SYNPO2: variants seen among roughly 807,000 people sequenced by gnomAD.
SYNPO2 encodes synaptopodin-2.
SYNPO2 carries 56 observed loss-of-function variants against 85.0 expected under a neutral mutation model. The observed-to-expected ratio is 0.66, with a 90% confidence interval of 0.53 to 0.82. The LOEUF is 0.82. Among genes scored for constraint, SYNPO2 ranks in the 40% least tolerant of loss-of-function variants. The pLI is 0.00. For synonymous variants in SYNPO2, 602 were observed against 591.1 expected, an observed-to-expected ratio of 1.02 and a Z score of -0.27; for missense variants, 1,575 against 1,534.2, an observed-to-expected ratio of 1.03 and a Z score of -0.44.
chr4:118,980,618 G>GA lies in SYNPO2; in HGVS notation c.106-42803dup, dbSNP rs200163495. On this transcript the variant is annotated intron_variant, in intron 1 of 4. Transcript: ENST00000307142. ...ACATATATGATTTCACTTACAATTT[G>GA]AAAAAAAAAGAACTTGATTAATAAG... Among the ~76,000 whole-genome samples, 23 of 149,896 alleles carry GA rather than the reference G, an allele frequency of 1.5e-4. No homozygotes were observed. In the East Asian group the frequency reaches 3.1e-3, roughly 20 times the overall value.
intron 1 of SYNPO2, among the ~76,000 whole-genome samples, chr4:118,892,407 TATTTTCAAGAG>T (rs1371579337): frequency 6.6e-6 from 1 of 152,208 alleles, no homozygotes; most frequent in Non-Finnish European, 1.5e-5. Context: ...CTGCAAAGTA[TATTTTCAAGAG>T]ATTATAAACA....
At chr4:119,023,243 T>C (rs1031885931) in intron 1 of SYNPO2, among the ~76,000 whole-genome samples, 187 bp from the exon 2 acceptor site, 2 of 152,330 alleles carry the variant, frequency 1.3e-5, no homozygotes, top group East Asian at 3.9e-4. Context: ...TTATGGTACA[T>C]GATAAAGTGT....
intron 1 of SYNPO2, among the ~76,000 whole-genome samples, chr4:118,898,734 G>A (rs981619586): frequency 6.6e-6 from 1 of 152,174 alleles, no homozygotes; most frequent in Non-Finnish European, 1.5e-5. Flanking sequence ...TTCACAGGCC[G>A]ACGGCCCCGC....
chr4:119,026,129 C>G (rs1578654778), intron 2 of SYNPO2, among the ~76,000 whole-genome samples: 2 of 152,162 alleles, frequency 1.3e-5, no homozygotes, highest in East Asian at 3.8e-4. Flanking sequence ...TAAAAAACAG[C>G]TTCTATTTCA....
At chr4:119,047,264 T>C (rs1485811894) in intron 4 of SYNPO2, among the ~76,000 whole-genome samples, 1 of 152,216 alleles carries the variant, frequency 6.6e-6, no homozygotes, top group Non-Finnish European at 1.5e-5. Flanking sequence ...TTCACCATGT[T>C]GGCCAGGCTG....
rs532548142 is a variant in SYNPO2, at chr4:119,040,999, G to A, written c.3252+8972G>A. ...GAACAGAGCAAACTCCCAGCTCAGG[G>A]CAAGTGATGAAAAACAATTCTAAGA... On this transcript the variant is annotated intron_variant, in intron 4 of 4. Coordinates refer to ENST00000307142, the MANE Select transcript of SYNPO2 (RefSeq NM_133477.3). 7.2e-5 allele frequency among the ~76,000 whole-genome samples: 11 copies of A among 152,292 alleles called. No individual in the cohort carries two copies. In the East Asian group the frequency reaches 1.5e-3, roughly 21 times the overall value.
rs547225059 is a variant in SYNPO2, at chr4:118,976,433, A to G, written c.106-46997A>G. Among the ~76,000 whole-genome samples, 69 of 152,336 alleles carry G rather than the reference A, an allele frequency of 4.5e-4. No individual in the cohort carries two copies. In the East Asian group the frequency reaches 5.8e-3, roughly 13 times the overall value. ...AGTAGCAAGATTTATTGCAAAGTGC[A>G]AAAGAACAAAGCTTCCACACTGTGG... On this transcript the variant is annotated intron_variant, in intron 1 of 4. Transcript: ENST00000307142.
Position 118,850,946 on chromosome 4 carries a change from A to T in SYNPO2, c.12+6A>T, listed in dbSNP as rs573712542. Reference sequence around the variant, plus strand: ...CAAGAGGAATGGTTACACAGGTAGGAAGAGAAGCAGAGATGAATGGTGTCC... The same window carrying T: ...CAAGAGGAATGGTTACACAGGTAGGTAGAGAAGCAGAGATGAATGGTGTCC... On this transcript the variant is annotated splice_donor_region_variant and intron_variant, in intron 1 of 4. Transcript: ENST00000610556. The T allele has an allele frequency of 5.5e-4, 219 of 398,674 alleles. 1 individual carries two copies. Among genetic ancestry groups the T allele is most frequent in the Non-Finnish European group, 9.0e-4 (203 of 226,076 alleles). 24.7% of individuals were successfully genotyped at this position (398,674 alleles called of 1,614,324 possible).
intron 1 of SYNPO2, among the ~76,000 whole-genome samples, chr4:118,931,716 T>C (rs1733938483): frequency 6.6e-6 from 1 of 152,200 alleles, no homozygotes; most frequent in Non-Finnish European, 1.5e-5. Flanking sequence ...AATCCATTAC[T>C]ACCGACCTGT....
chr4:118,879,317 T>G (rs2149109603), intron 1 of SYNPO2, among the ~76,000 whole-genome samples: 1 of 152,342 alleles, frequency 6.6e-6, no homozygotes, highest in African/African-American at 2.4e-5. Flanking sequence ...GAGCTTCCTT[T>G]TCCCTAGGCT....
intron 1 of SYNPO2, among the ~76,000 whole-genome samples, chr4:119,007,883 A>G (rs1578637758): frequency 1.3e-5 from 2 of 152,338 alleles, no homozygotes; most frequent in South Asian, 2.1e-4. Flanking sequence ...TGTCAAGTGT[A>G]TATGTGTTAA....
At chr4:118,858,305 G>A (rs1304761259) in intron 1 of SYNPO2, among the ~76,000 whole-genome samples, 1 of 152,182 alleles carries the variant, frequency 6.6e-6, no homozygotes, top group African/African-American at 2.4e-5. Flanking sequence ...GTTATTTATT[G>A]TGAGGGAGTC....
chr4:118,860,181 C>T (rs1406680107), intron 1 of SYNPO2, among the ~76,000 whole-genome samples: 1 of 152,200 alleles, frequency 6.6e-6, no homozygotes, highest in Non-Finnish European at 1.5e-5. Context: ...AACACCTTTT[C>T]ACGCCATTTG....
At chr4:118,976,675 C>T (rs1735758304) in intron 1 of SYNPO2, among the ~76,000 whole-genome samples, 1 of 152,148 alleles carries the variant, frequency 6.6e-6, no homozygotes, top group South Asian at 2.1e-4. Context: ...TTCTCCAAGG[C>T]CCCACCAGAG....
chr4:118,865,151 G>A (rs565729126), intron 1 of SYNPO2, among the ~76,000 whole-genome samples: 6 of 152,338 alleles, frequency 3.9e-5, no homozygotes, highest in Admixed American at 1.3e-4. Context: ...TATTGCTGGA[G>A]TCTTGGAGGA....
chr4:118,874,074 T>C (rs1229526265), intron 1 of SYNPO2, among the ~76,000 whole-genome samples: 7 of 152,262 alleles, frequency 4.6e-5, no homozygotes, highest in Non-Finnish European at 1.0e-4. Context: ...TATTGATCTA[T>C]GTGTCTGCTT....
At chr4:118,855,844 G>T (rs899006738) in intron 1 of SYNPO2, among the ~76,000 whole-genome samples, 1 of 152,100 alleles carries the variant, frequency 6.6e-6, no homozygotes, top group African/African-American at 2.4e-5. Flanking sequence ...ACAACTTAAT[G>T]ATTTCTTGCA....
chr4:119,049,130 A>G (rs1357408294), intron 4 of SYNPO2, among the ~76,000 whole-genome samples: 4 of 152,190 alleles, frequency 2.6e-5, no homozygotes, highest in Non-Finnish European at 5.9e-5. Context: ...GTGCTGACAG[A>G]TCAGGTGTGG....
At chr4:118,995,896 A>G (rs942315649) in intron 1 of SYNPO2, among the ~76,000 whole-genome samples, 8 of 146,296 alleles carry the variant, frequency 5.5e-5, no homozygotes, top group African/African-American at 1.6e-4. Flanking sequence ...CTATCTATCT[A>G]TCTATCTATC....
Sources: allele counts gnomAD v4.1 joint callset (sites outside exome capture counted in the v4.1 genomes callset), GRCh38; gene constraint gnomAD v4.1.1; transcripts MANE v1.5; gene names NCBI Gene and HGNC (gene_info 2026-07-23, HGNC 2026-07-21).